Variants in PCSK2 observed in about 807,000 individuals in gnomAD.
PCSK2 encodes proprotein convertase subtilisin/kexin type 2.
PCSK2 carries 14 observed loss-of-function variants against 69.7 expected under a neutral mutation model. The observed-to-expected ratio is 0.20, with a 90% CI of 0.13 to 0.31. The LOEUF (loss-of-function observed/expected upper bound fraction) is 0.31. Ranked by LOEUF, PCSK2 falls within the 10% of genes least tolerant of loss-of-function variation. PCSK2 has a pLI of 1.00. For missense variants in PCSK2, 544 were observed against 842.5 expected (o/e 0.65, Z 4.39); for synonymous variants, 307 against 320.7 (o/e 0.96, Z 0.46).
chr20:17,445,558 A>G (rs1298134471), intron 8 of PCSK2, among the ~76,000 whole-genome samples: 2 of 152,234 alleles, frequency 1.3e-5, no homozygotes, highest in African/African-American at 4.8e-5. Context: ...CTTACAAGAA[A>G]ACCACCATCC....
chr20:17,368,254 A>G (rs2030657252), intron 4 of PCSK2, among the ~76,000 whole-genome samples: 1 of 152,194 alleles, frequency 6.6e-6, no homozygotes, highest in Non-Finnish European at 1.5e-5. Flanking sequence ...TAAATGCACC[A>G]GCTGCTGGGC....
Position 17,255,166 on chromosome 20 carries a change from C to T in PCSK2, c.178-5074C>T, listed in dbSNP as rs1021974220. On this transcript the variant is annotated intron_variant, in intron 1 of 11. Coordinates refer to ENST00000262545, the MANE Select transcript of PCSK2 (RefSeq NM_002594.5). ...TTGATGCCTTTATTTCTTTATCTTGCCTGATGGCATTAGCTAAAATCTCCA... is the reference window on the plus strand; with the variant it reads ...TTGATGCCTTTATTTCTTTATCTTGTCTGATGGCATTAGCTAAAATCTCCA... 3.9e-5 allele frequency among the ~76,000 whole-genome samples: 6 copies of T among 152,110 alleles called. No individual in the cohort carries two copies. The East Asian group carries it at 1.2e-3, about 29-fold the overall frequency.
At chr20:17,474,873 A>G (rs565541933) in intron 11 of PCSK2, among the ~76,000 whole-genome samples, 1 of 152,316 alleles carries the variant, frequency 6.6e-6, no homozygotes, top group South Asian at 2.1e-4. Flanking sequence ...TGAGGCCCAT[A>G]TTCTGTATCA....
intron 2 of PCSK2, among the ~76,000 whole-genome samples, chr20:17,265,516 CA>C (rs1328141496): frequency 2.6e-5 from 4 of 152,042 alleles, no homozygotes; most frequent in Non-Finnish European, 5.9e-5. Flanking sequence ...TATTAAGAAA[CA>C]TAGTCATGGT....
At chr20:17,478,599 A>G (rs1352101760) in intron 11 of PCSK2, among the ~76,000 whole-genome samples, 1 of 152,258 alleles carries the variant, frequency 6.6e-6, no homozygotes, top group Non-Finnish European at 1.5e-5. Context: ...TTTAAAAATT[A>G]CTTTCCACTA....
intron 1 of PCSK2, among the ~76,000 whole-genome samples, chr20:17,249,011 C>G (rs1028055174): frequency 6.6e-6 from 1 of 152,102 alleles, no homozygotes; most frequent in Non-Finnish European, 1.5e-5. Context: ...GGCAGCTAGA[C>G]CAAGCCAGGT....
chr20:17,432,332 G>A (rs963823749), intron 7 of PCSK2, among the ~76,000 whole-genome samples: 1 of 151,976 alleles, frequency 6.6e-6, no homozygotes, highest in African/African-American at 2.4e-5. Context: ...CTTCGCGTCC[G>A]TCTTCATTTC....
upstream of PCSK2, chr20:17,226,355 G>GC (rs199826195): frequency 5.6e-3 from 853 of 152,044 alleles, 8 homozygotes; most frequent in African/African-American, 0.02. Context: ...TTGCACTCTC[G>GC]CCCCCCATGG....
intron 2 of PCSK2, among the ~76,000 whole-genome samples, chr20:17,324,707 G>A (rs931290131): frequency 6.6e-6 from 1 of 152,072 alleles, no homozygotes; most frequent in Non-Finnish European, 1.5e-5. Context: ...GTACCCTCCT[G>A]GCCCTCCCGA....
rs142926742 is a variant in PCSK2 at position 17,441,865 on chromosome 20, A to G, written c.885+4982A>G. On this transcript the variant is annotated intron_variant, in intron 8 of 11. Coordinates refer to ENST00000262545, the MANE Select transcript of PCSK2 (RefSeq NM_002594.5). Reference sequence around the variant, plus strand: ...TGTTGTGGGTTCAATTGTGTCCCCAAATATTCATATGTTGGGGTCCTAATC... The same window carrying G: ...TGTTGTGGGTTCAATTGTGTCCCCAGATATTCATATGTTGGGGTCCTAATC... Among the ~76,000 whole-genome samples the G allele has an allele frequency of 8.2e-3, 1,247 of 152,174 alleles. 12 individuals carry two copies. The highest frequency in any genetic ancestry group is 0.015 in the South Asian group (73 of 4,806).
At chr20:17,353,548 A>T (rs115652828) in intron 2 of PCSK2, among the ~76,000 whole-genome samples, 1,908 of 152,284 alleles carry the variant, frequency 0.013, 14 homozygotes, top group East Asian at 0.035. Context: ...TTGATGAGAA[A>T]GTAAATCAAT....
At chr20:17,415,717 A>G (rs1390190254) in intron 6 of PCSK2, among the ~76,000 whole-genome samples, 1 of 152,222 alleles carries the variant, frequency 6.6e-6, no homozygotes, top group East Asian at 1.9e-4. Flanking sequence ...AAGAGCCCGC[A>G]TTGCCAAAAC....
intron 5 of PCSK2, among the ~76,000 whole-genome samples, chr20:17,390,975 C>T (rs898124812): frequency 3.3e-5 from 5 of 152,238 alleles, no homozygotes; most frequent in Admixed American, 2.0e-4. Context: ...GTGGATATTC[C>T]GTCATTTGTT....
At chr20:17,420,406 G>A (rs1351188427) in intron 6 of PCSK2, among the ~76,000 whole-genome samples, 1 of 152,150 alleles carries the variant, frequency 6.6e-6, no homozygotes, top group Non-Finnish European at 1.5e-5. Flanking sequence ...CTCATCAGTC[G>A]ATATTAGCTC....
intron 2 of PCSK2, among the ~76,000 whole-genome samples, chr20:17,295,157 A>G (rs1197694218): frequency 3.3e-5 from 5 of 152,218 alleles, no homozygotes; most frequent in Admixed American, 6.5e-5. Context: ...TCAAAATTGT[A>G]ATAATCTTCC....
intron 6 of PCSK2, among the ~76,000 whole-genome samples, chr20:17,423,641 G>T (rs889259009): frequency 1.2e-5 from 1 of 80,590 alleles, no homozygotes; most frequent in Non-Finnish European, 2.9e-5. Context: ...AAACACTTTT[G>T]TACAAAAAAA....
intron 2 of PCSK2, among the ~76,000 whole-genome samples, chr20:17,357,847 T>C (rs576077416): frequency 6.7e-6 from 1 of 149,942 alleles, no homozygotes; most frequent in Non-Finnish European, 1.5e-5. Flanking sequence ...TGAGCCAAGA[T>C]CATGCCATTG....
chr20:17,267,854 C>G (rs1987683831), intron 2 of PCSK2, among the ~76,000 whole-genome samples: 1 of 151,862 alleles, frequency 6.6e-6, no homozygotes, highest in African/African-American at 2.4e-5. Flanking sequence ...ATTGGTGGCT[C>G]TGTATCGTCT....
intron 5 of PCSK2, among the ~76,000 whole-genome samples, chr20:17,379,596 C>T (rs2031030594): frequency 1.3e-5 from 2 of 152,212 alleles, no homozygotes; most frequent in Admixed American, 1.3e-4. Flanking sequence ...AAGACAAAGA[C>T]TTGATGGTAG....
Sources: allele counts gnomAD v4.1 joint callset (sites outside exome capture counted in the v4.1 genomes callset), GRCh38; gene constraint gnomAD v4.1.1; transcripts MANE v1.5; gene names NCBI Gene and HGNC (gene_info 2026-07-23, HGNC 2026-07-21).